The following GABRB1 variants were observed in gnomAD, a reference collection of about 807,000 sequenced individuals.
The protein encoded by GABRB1 is gamma-aminobutyric acid type A receptor subunit beta1.
GABRB1 carries 17 observed loss-of-function variants against 51.6 expected under a neutral mutation model. The ratio of observed to expected loss-of-function variants is 0.33; its 90% CI spans 0.23 to 0.49. The LOEUF (loss-of-function observed/expected upper bound fraction) is 0.49, where lower values mean the gene tolerates loss of function less well. GABRB1 is among the 20% of genes least tolerant of loss of function. GABRB1 has a pLI of 0.99. For synonymous variants in GABRB1, 247 were observed against 218.9 expected, an observed-to-expected ratio of 1.13 and a Z score of -1.14; for missense variants, 410 against 600.6, an observed-to-expected ratio of 0.68 and a Z score of 3.32.
At chr4:47,210,039 G>A (rs1401262715) in intron 4 of GABRB1, among the ~76,000 whole-genome samples, 1 of 152,046 alleles carries the variant, frequency 6.6e-6, no homozygotes, top group Admixed American at 6.6e-5. Flanking sequence ...TGAAGGCCTG[G>A]TTCACTGCTT....
At position 47,401,535 on chromosome 4, in the gene GABRB1, C is replaced by T. The variant is rs763722396; in HGVS notation, c.545-1783C>T. On this transcript the variant is annotated intron_variant, in intron 5 of 8. Transcript: ENST00000295454. ...ACTCCATGCCACCAGTCCCTAGGTT[C>T]TCTCTAGTGGCTGAGGGGGGAAAGA... Among the ~76,000 whole-genome samples, 6 of 152,286 alleles carry T rather than the reference C, an allele frequency of 3.9e-5. 1 individual carries two copies. In the Middle Eastern group the frequency reaches 0.01, roughly 259 times the overall value.
chr4:47,186,134 C>T (rs1161517134), intron 4 of GABRB1, among the ~76,000 whole-genome samples: 2 of 150,274 alleles, frequency 1.3e-5, no homozygotes, highest in East Asian at 3.9e-4. Flanking sequence ...GAGCATGTCT[C>T]TCAAAGTGTT....
At chr4:47,404,529 AT>A (rs1261225642) in intron 7 of GABRB1, among the ~76,000 whole-genome samples, 4 of 133,184 alleles carry the variant, frequency 3.0e-5, no homozygotes, top group Admixed American at 7.3e-5. Flanking sequence ...ACACACACAC[AT>A]CATTTCTGGC....
chr4:47,374,467 A>G (rs1283508108), intron 5 of GABRB1, among the ~76,000 whole-genome samples: 2 of 152,208 alleles, frequency 1.3e-5, no homozygotes, highest in Non-Finnish European at 2.9e-5. Context: ...ATAAGGGAAA[A>G]CTGTTCTTGG....
At chr4:47,191,686 T>C (rs1719446203) in intron 4 of GABRB1, among the ~76,000 whole-genome samples, 1 of 152,004 alleles carries the variant, frequency 6.6e-6, no homozygotes, top group South Asian at 2.1e-4. Context: ...CTTTCCAGAA[T>C]ATTCATCAGC....
intron 4 of GABRB1, among the ~76,000 whole-genome samples, chr4:47,267,585 A>C (rs1190045129): frequency 6.6e-6 from 1 of 152,160 alleles, no homozygotes; most frequent in Non-Finnish European, 1.5e-5. Context: ...ACCTGCGGTC[A>C]GGAGTTCGAG....
chr4:47,299,148 C>T (rs1184038591), intron 4 of GABRB1, among the ~76,000 whole-genome samples: 1 of 152,018 alleles, frequency 6.6e-6, no homozygotes, highest in African/African-American at 2.4e-5. Flanking sequence ...AGAAGAAAAC[C>T]TAGGTATTAC....
chr4:47,031,839 G>C, intron 1 of GABRB1, 75 bp from the exon 2 acceptor site: 1 of 1,499,350 alleles, frequency 6.7e-7, no homozygotes. Flanking sequence ...TTTGGGGGTA[G>C]GTGTGCCTGT....
At chr4:47,398,903 G>A (rs1182382560) in intron 5 of GABRB1, among the ~76,000 whole-genome samples, 1 of 152,150 alleles carries the variant, frequency 6.6e-6, no homozygotes, top group African/African-American at 2.4e-5. Flanking sequence ...CCATTCTCCC[G>A]CCTCAGCCTC....
intron 5 of GABRB1, among the ~76,000 whole-genome samples, chr4:47,381,185 G>T (rs1727585397): frequency 6.6e-6 from 1 of 152,118 alleles, no homozygotes; most frequent in Admixed American, 6.5e-5. Flanking sequence ...TGGGAGCTAA[G>T]GAAGAGAGTT....
chr4:47,228,585 C>A (rs1721034171), intron 4 of GABRB1, among the ~76,000 whole-genome samples: 1 of 151,992 alleles, frequency 6.6e-6, no homozygotes. Context: ...CTTTGTATGT[C>A]TATCACTCAT....
chr4:47,009,962 C>G (rs1021834313), intron 1 of GABRB1, among the ~76,000 whole-genome samples: 2 of 152,202 alleles, frequency 1.3e-5, no homozygotes, highest in African/African-American at 2.4e-5. Context: ...AAAGGCTCTA[C>G]TAAACAGTTC....
intron 3 of GABRB1, among the ~76,000 whole-genome samples, chr4:47,075,151 A>G (rs1727494308): frequency 6.6e-6 from 1 of 152,188 alleles, no homozygotes; most frequent in Admixed American, 6.5e-5. Flanking sequence ...GCTGCTGGAA[A>G]TGTTCCTGTT....
At chr4:47,094,493 G>A (rs905764522) in intron 3 of GABRB1, among the ~76,000 whole-genome samples, 1 of 151,886 alleles carries the variant, frequency 6.6e-6, no homozygotes, top group African/African-American at 2.4e-5. Flanking sequence ...AAAGTACTGG[G>A]ATTACAGGCA....
At chr4:47,384,563 C>A (rs945466647) in intron 5 of GABRB1, among the ~76,000 whole-genome samples, 1 of 152,092 alleles carries the variant, frequency 6.6e-6, no homozygotes, top group African/African-American at 2.4e-5. Flanking sequence ...AATAGTTTCC[C>A]ACATTGAGGA....
upstream of GABRB1, chr4:47,031,327 G>A (rs541280356): frequency 1.2e-3 from 400 of 323,204 alleles, 8 homozygotes; most frequent in South Asian, 0.015. Flanking sequence ...AAATCAGGTT[G>A]AGGGCAGAAA....
At chr4:47,311,122 G>A (rs967723172) in intron 4 of GABRB1, among the ~76,000 whole-genome samples, 6 of 149,154 alleles carry the variant, frequency 4.0e-5, no homozygotes, top group Non-Finnish European at 7.4e-5. Flanking sequence ...TGGAGGACGC[G>A]GTGGCTCACG....
intron 4 of GABRB1, among the ~76,000 whole-genome samples, chr4:47,207,717 C>T (rs957863237): frequency 6.6e-6 from 1 of 152,048 alleles, no homozygotes; most frequent in African/African-American, 2.4e-5. Context: ...TTAGAAGTGC[C>T]TTCTCTTCAC....
chr4:47,312,213 G>T (rs944171374), intron 4 of GABRB1, among the ~76,000 whole-genome samples: 5 of 152,010 alleles, frequency 3.3e-5, no homozygotes, highest in Non-Finnish European at 4.4e-5. Flanking sequence ...CCAACATTTT[G>T]CTTCCTCACA....
Sources: allele counts gnomAD v4.1 joint callset (sites outside exome capture counted in the v4.1 genomes callset), GRCh38; gene constraint gnomAD v4.1.1; transcripts MANE v1.5; gene names NCBI Gene and HGNC (gene_info 2026-07-23, HGNC 2026-07-21).